The following TMEM40 variants were observed in gnomAD, a reference collection of about 807,000 sequenced individuals.
The protein encoded by TMEM40 is transmembrane protein 40.
In TMEM40, 34 loss-of-function variants were observed where a neutral mutation model predicts 40.8. The observed-to-expected ratio is 0.83, with a 90% CI of 0.63 to 1.11. The LOEUF (loss-of-function observed/expected upper bound fraction) is 1.11. TMEM40 is among the 50% of genes least tolerant of loss of function. TMEM40 has a pLI of 0.00. For missense variants in TMEM40, 296 were observed against 280.2 expected, an observed-to-expected ratio of 1.06 and a Z score of -0.40; for synonymous variants, 106 against 107.0, an observed-to-expected ratio of 0.99 and a Z score of 0.06.
At chr3:12,752,537 G>A (rs1380222238) in intron 1 of TMEM40, among the ~76,000 whole-genome samples, 1 of 152,134 alleles carries the variant, frequency 6.6e-6, no homozygotes, top group Non-Finnish European at 1.5e-5. Context: ...GGTGGTTCAT[G>A]CCTGTAATCC....
chr3:12,768,257 T>C (rs1463755105), intron 1 of TMEM40, among the ~76,000 whole-genome samples: 2 of 151,966 alleles, frequency 1.3e-5, no homozygotes, highest in South Asian at 4.1e-4. Context: ...TCGTGGTGAG[T>C]GTTACAACTA....
At chr3:12,768,844 G>A (rs996133728) in intron 1 of TMEM40, among the ~76,000 whole-genome samples, 4 of 150,814 alleles carry the variant, frequency 2.7e-5, no homozygotes, top group Admixed American at 2.6e-4. Context: ...TGGAGCAGGG[G>A]GCAGCGCTCA....
At chr3:12,738,755 C>T in intron 5 of TMEM40, 167 bp from the exon 6 acceptor site, 2 of 626,062 alleles carry the variant, frequency 3.2e-6, no homozygotes, top group Non-Finnish European at 5.7e-6. Flanking sequence ...AAAGGGGCAG[C>T]CACCACCCAC....
At position 12,734,383 on chromosome 3, in the gene TMEM40, C is replaced by G. The variant is rs2061323196; in HGVS notation, c.*391G>C. The G allele has an allele frequency of 5.2e-6, 1 of 193,542 alleles. No homozygotes were observed. Among genetic ancestry groups the G allele is most frequent in the African/African-American group, 2.3e-5 (1 of 43,176 alleles). 12.0% of individuals were successfully genotyped at this position (193,542 alleles called of 1,614,324 possible). ...CTCTCCCAGGATGGCTCGGTAGCAC[C>G]TGAGAGCGCATGCAGATAGCCTGGG... On this transcript the variant is annotated 3_prime_UTR_variant, in exon 12 of 12. Coordinates refer to ENST00000314124, the MANE Select transcript of TMEM40 (RefSeq NM_018306.4).
At chr3:12,765,958 G>A (rs957615174) in intron 1 of TMEM40, among the ~76,000 whole-genome samples, 1 of 152,098 alleles carries the variant, frequency 6.6e-6, no homozygotes, top group Non-Finnish European at 1.5e-5. Flanking sequence ...CCGCGTTCAA[G>A]CGATTCTCCC....
chr3:12,735,758 T>C, intron 10 of TMEM40, 141 bp from the exon 11 acceptor site: 1 of 615,054 alleles, frequency 1.6e-6, no homozygotes, highest in South Asian at 2.4e-5. Flanking sequence ...TAGATAATGG[T>C]ACTAGAGTTA....
At chr3:12,735,057 T>G (rs193159058) in intron 11 of TMEM40, among the ~76,000 whole-genome samples, 48 of 152,314 alleles carry the variant, frequency 3.2e-4, no homozygotes, top group African/African-American at 1.1e-3. Flanking sequence ...ACAGAGCTGT[T>G]AGTCAAGAAA....
chr3:12,765,932 C>T (rs1046541124), intron 1 of TMEM40, among the ~76,000 whole-genome samples: 15 of 152,108 alleles, frequency 9.9e-5, no homozygotes, highest in Non-Finnish European at 2.1e-4. Flanking sequence ...TCTCTGCTCA[C>T]TGCAACCTCC....
At chr3:12,757,543 C>T (rs1299030827) in intron 1 of TMEM40, among the ~76,000 whole-genome samples, 1 of 151,660 alleles carries the variant, frequency 6.6e-6, no homozygotes, top group African/African-American at 2.4e-5. Context: ...CCATGGGATA[C>T]CCCTTCACAC....
chr3:12,742,575 A>C, intron 4 of TMEM40, 68 bp from the exon 5 acceptor site: 15 of 1,558,088 alleles, frequency 9.6e-6, no homozygotes, highest in Non-Finnish European at 1.3e-5. Context: ...TCCCTCTCCC[A>C]TGGCTTCGAC....
At chr3:12,755,273 TTC>T (rs1229969788) in intron 1 of TMEM40, among the ~76,000 whole-genome samples, 7 of 125,704 alleles carry the variant, frequency 5.6e-5, no homozygotes, top group Non-Finnish European at 9.6e-5. Context: ...CTTTCTTTCT[TTC>T]TTTCTTTCTT....
rs1003948212 is a variant in TMEM40, at chr3:12,733,602, G to T, written c.*1172C>A. ...TGCACTCTGGGCTCCCGTTAAATTA[G>T]GTTACATACAAGTACTTGAAATCAA... On this transcript the variant is annotated 3_prime_UTR_variant, in exon 12 of 12. Transcript: ENST00000314124. 1 of 151,960 alleles carries T rather than the reference G, an allele frequency of 6.6e-6. No individual in the cohort carries two copies. The highest frequency in any genetic ancestry group is 6.6e-5 in the Admixed American group (1 of 15,240). The allele number at this position is 151,960 out of a possible 1,614,324, so 9.4% of individuals were successfully genotyped here. A position where few individuals can be genotyped will look rare whatever the true frequency, so the allele number is the denominator to read the frequency against.
At chr3:12,757,864 G>A (rs1022583185) in intron 1 of TMEM40, among the ~76,000 whole-genome samples, 2 of 152,188 alleles carry the variant, frequency 1.3e-5, no homozygotes, top group South Asian at 4.2e-4. Flanking sequence ...ACCATGCCTG[G>A]CTAATTTTTG....
At chr3:12,752,992 A>G (rs1423362682) in intron 1 of TMEM40, among the ~76,000 whole-genome samples, 2 of 152,082 alleles carry the variant, frequency 1.3e-5, no homozygotes, top group Non-Finnish European at 2.9e-5. Flanking sequence ...CTATGCAAAT[A>G]TGCTGACTTG....
intron 1 of TMEM40, among the ~76,000 whole-genome samples, chr3:12,756,849 C>T (rs140031770): frequency 9.2e-5 from 14 of 151,986 alleles, no homozygotes; most frequent in African/African-American, 2.9e-4. Context: ...ACACACCACA[C>T]ATATACACAC....
At chr3:12,744,730 C>G (rs1201113755) in intron 3 of TMEM40, among the ~76,000 whole-genome samples, 2 of 152,210 alleles carry the variant, frequency 1.3e-5, no homozygotes, top group African/African-American at 4.8e-5. Flanking sequence ...GTTTCTGGCT[C>G]CAGGTCCAGA....
chr3:12,743,403 G>A (rs2061398233), intron 4 of TMEM40, among the ~76,000 whole-genome samples: 1 of 152,138 alleles, frequency 6.6e-6, no homozygotes, highest in Non-Finnish European at 1.5e-5. Flanking sequence ...AGAGGTGGAG[G>A]TTGTGGTGAG....
intron 5 of TMEM40, chr3:12,738,990 TA>T: frequency 4.9e-6 from 1 of 202,816 alleles, no homozygotes; most frequent in East Asian, 1.2e-4. Context: ...CCGTCTCTAC[TA>T]AAAATACAAA....
intron 1 of TMEM40, among the ~76,000 whole-genome samples, chr3:12,753,253 C>T (rs1166252980): frequency 7.9e-5 from 9 of 114,086 alleles, no homozygotes; most frequent in Admixed American, 2.6e-4. Flanking sequence ...GGGTCTCACT[C>T]TATCACCCAG....
Sources: gnomAD v4.1 joint callset for allele counts (sites outside exome capture counted in the v4.1 genomes callset) on GRCh38, gnomAD v4.1.1 for gene constraint, MANE v1.5 for transcripts, NCBI Gene and HGNC (gene_info 2026-07-23, HGNC 2026-07-21) for gene names.